JAKMIP3: variants seen among roughly 807,000 people sequenced by gnomAD.
The protein encoded by JAKMIP3 is Janus kinase and microtubule interacting protein 3.
A neutral mutation model predicts 118.5 loss-of-function variants in JAKMIP3; 58 were observed. The ratio of observed to expected loss-of-function variants is 0.49; its 90% CI spans 0.40 to 0.61. The LOEUF (loss-of-function observed/expected upper bound fraction) is 0.61. Among genes scored for constraint, JAKMIP3 ranks in the 20% least tolerant of loss-of-function variants. The probability of loss-of-function intolerance (pLI) is 0.00; values close to 1 mark genes in which losing one functional copy is unlikely to be tolerated. For synonymous variants in JAKMIP3, 486 were observed against 451.2 expected (o/e 1.08, Z -0.98); for missense variants, 950 against 1,109.0 (o/e 0.86, Z 2.04).
At chr10:132,113,215 T>G (rs986895916) in intron 2 of JAKMIP3, among the ~76,000 whole-genome samples, 1 of 152,216 alleles carries the variant, frequency 6.6e-6, no homozygotes, top group African/African-American at 2.4e-5. Flanking sequence ...CAGTATTATT[T>G]AAGGACATGC....
At chr10:132,062,053 G>A (rs12572115), upstream of JAKMIP3, among the ~76,000 whole-genome samples, 44,192 of 151,980 alleles carry the variant, frequency 0.29, 6,720 homozygotes, top group East Asian at 0.43. Context: ...GGGGGGCCGG[G>A]TGAGCCCAGA....
At chr10:132,041,024 G>A (rs570191883) in intron 1 of JAKMIP3, among the ~76,000 whole-genome samples, 2 of 152,256 alleles carry the variant, frequency 1.3e-5, no homozygotes, top group African/African-American at 2.4e-5. Context: ...TGTGTCTCGC[G>A]GCTGAGCGGC....
chr10:132,122,714 C>T (rs191664122), intron 3 of JAKMIP3, among the ~76,000 whole-genome samples: 7 of 152,240 alleles, frequency 4.6e-5, no homozygotes, highest in African/African-American at 1.7e-4. Context: ...ACAGACACCC[C>T]AGACAAGCAC....
intron 1 of JAKMIP3, among the ~76,000 whole-genome samples, chr10:132,067,030 C>T (rs1239273370): frequency 2.6e-5 from 4 of 152,146 alleles, no homozygotes; most frequent in Non-Finnish European, 5.9e-5. Flanking sequence ...AGAGTCCTCT[C>T]AGTGGATCGG....
chr10:132,161,209 A>G (rs375956588), intron 19 of JAKMIP3, among the ~76,000 whole-genome samples: 247 of 778 alleles, frequency 0.32, 58 homozygotes, highest in East Asian at 0.61. Context: ...ATGCTGGGGG[A>G]CCTCTCCCTG....
intron 3 of JAKMIP3, among the ~76,000 whole-genome samples, chr10:132,125,597 C>T (rs1205979996): frequency 2.0e-5 from 3 of 152,226 alleles, no homozygotes; most frequent in Admixed American, 6.5e-5. Context: ...GAAAAACTGG[C>T]ACCTTGAACC....
chr10:132,055,518 C>T (rs895614502), intron 1 of JAKMIP3, among the ~76,000 whole-genome samples: 4 of 152,170 alleles, frequency 2.6e-5, no homozygotes, highest in South Asian at 2.1e-4. Flanking sequence ...CCAAGAAGCC[C>T]GCAGGCCATG....
intron 19 of JAKMIP3, among the ~76,000 whole-genome samples, chr10:132,158,667 C>T (rs1450132403): frequency 2.0e-5 from 3 of 150,016 alleles, no homozygotes; most frequent in African/African-American, 7.4e-5. Flanking sequence ...GGGCATCTTC[C>T]TGTGTGATGC....
At chr10:132,156,492 C>A (rs1219056844) in intron 19 of JAKMIP3, among the ~76,000 whole-genome samples, 3 of 152,170 alleles carry the variant, frequency 2.0e-5, no homozygotes, top group East Asian at 3.9e-4. Flanking sequence ...AGACAGAGGA[C>A]CCCACCCAGC....
At chr10:132,089,107 C>A (rs7392895) in intron 1 of JAKMIP3, among the ~76,000 whole-genome samples, 118,049 of 152,082 alleles carry the variant, frequency 0.78, 47,116 homozygotes, top group East Asian at 1. Flanking sequence ...TTTGGTTACT[C>A]TAGCCTTGTA....
chr10:132,135,232 C>T (rs921094681), intron 5 of JAKMIP3, 72 bp downstream of exon 5: 5 of 1,471,674 alleles, frequency 3.4e-6, no homozygotes, highest in Non-Finnish European at 4.6e-6. Context: ...GGGGCATCCA[C>T]TTTCAAAATT....
intron 14 of JAKMIP3, among the ~76,000 whole-genome samples, chr10:132,148,791 C>T (rs940197272): frequency 6.6e-6 from 1 of 152,194 alleles, no homozygotes; most frequent in Non-Finnish European, 1.5e-5. Flanking sequence ...AAGGGTGGTC[C>T]ACCTGTGGGG....
At chr10:132,175,698 C>A (rs926397882) in intron 23 of JAKMIP3, among the ~76,000 whole-genome samples, 1 of 152,162 alleles carries the variant, frequency 6.6e-6, no homozygotes, top group Non-Finnish European at 1.5e-5. Context: ...CACAGACTGC[C>A]GCCTCCATGC....
chr10:132,134,964 C>T lies in JAKMIP3; in HGVS notation c.850-77C>T, dbSNP rs374648638. ...CGTCCCACGGCAGCGTTTTTGTTCC[C>T]GTAGCGTGCTGGGATTTGCAAAGGC... is the stretch of plus-strand genomic sequence containing the variant. On this transcript the variant is annotated intron_variant, in intron 4 of 23. Coordinates refer to ENST00000684848, the MANE Select transcript of JAKMIP3 (RefSeq NM_001323087.2). 1.8e-3 allele frequency: 2,879 copies of T among 1,559,178 alleles called. 14 individuals are homozygous for T. Among genetic ancestry groups the T allele is most frequent in the Middle Eastern group, 4.3e-3 (25 of 5,818 alleles).
intron 1 of JAKMIP3, among the ~76,000 whole-genome samples, chr10:132,052,193 T>G (rs577992178): frequency 6.6e-6 from 1 of 152,172 alleles, no homozygotes; most frequent in Admixed American, 6.5e-5. Context: ...GCCACTACAC[T>G]CCAGCCTGGG....
chr10:132,042,111 C>T (rs1243651844), intron 1 of JAKMIP3, among the ~76,000 whole-genome samples: 2 of 152,110 alleles, frequency 1.3e-5, no homozygotes, highest in Non-Finnish European at 2.9e-5. Context: ...AGTGATCTGC[C>T]AGCCTCAGCT....
upstream of JAKMIP3, among the ~76,000 whole-genome samples, chr10:132,062,730 G>A (rs1197739767): frequency 6.6e-6 from 1 of 152,250 alleles, no homozygotes; most frequent in Non-Finnish European, 1.5e-5. Context: ...ACAGGTCTCA[G>A]TCATGAGACA....
At chr10:132,143,214 G>A (rs781392712) in intron 11 of JAKMIP3, among the ~76,000 whole-genome samples, 2 of 152,116 alleles carry the variant, frequency 1.3e-5, no homozygotes, top group Non-Finnish European at 2.9e-5. Flanking sequence ...CCGTAACTGG[G>A]GACTTTAAAT....
intron 22 of JAKMIP3, 74 bp from the exon 23 acceptor site, chr10:132,167,879 C>CCCTCGCA: frequency 1.7e-6 from 2 of 1,158,734 alleles, no homozygotes; most frequent in Non-Finnish European, 2.3e-6. Flanking sequence ...CGCCCCTCGC[C>CCCTCGCA]CCTCGGCCCT....
Sources: allele counts gnomAD v4.1 joint callset (sites outside exome capture counted in the v4.1 genomes callset), GRCh38; gene constraint gnomAD v4.1.1; transcripts MANE v1.5; gene names NCBI Gene and HGNC (gene_info 2026-07-23, HGNC 2026-07-21).